ABCC2: variants seen among roughly 807,000 people sequenced by gnomAD.
ABCC2 encodes ATP binding cassette subfamily C member 2, also known as ATP-binding cassette sub-family C member 2.
A neutral mutation model predicts 173.4 loss-of-function variants in ABCC2; 157 were observed. The observed-to-expected ratio is 0.91, with a 90% CI of 0.80 to 1.03. The LOEUF is 1.03. Ranked by LOEUF, ABCC2 falls within the 50% of genes least tolerant of loss-of-function variation. The pLI is 0.00. For missense variants in ABCC2, 1,822 were observed against 1,852.3 expected, an observed-to-expected ratio of 0.98 and a Z score of 0.30; for synonymous variants, 657 against 693.5, an observed-to-expected ratio of 0.95 and a Z score of 0.83.
chr10:99,841,272 G>T (rs1054008336), intron 25 of ABCC2, among the ~76,000 whole-genome samples: 3 of 152,052 alleles, frequency 2.0e-5, no homozygotes, highest in Admixed American at 6.6e-5. Flanking sequence ...CAGATTTTTG[G>T]CCAGGAGCAA....
At chr10:99,812,885 T>A in intron 15 of ABCC2, 133 bp from the exon 16 acceptor site, 1 of 1,212,178 alleles carries the variant, frequency 8.2e-7, no homozygotes, top group Non-Finnish European at 1.2e-6. Flanking sequence ...GTCTTGTATA[T>A]CCAAGGCAAA....
chr10:99,792,383 C>T (rs777347568), intron 3 of ABCC2, 24 bp downstream of exon 3: 7 of 1,613,070 alleles, frequency 4.3e-6, no homozygotes, highest in Middle Eastern at 1.6e-4. Flanking sequence ...CACTTCTGCC[C>T]TGTTTACCTT....
intron 16 of ABCC2, among the ~76,000 whole-genome samples, chr10:99,813,703 C>T (rs897280620): frequency 1.3e-5 from 2 of 150,432 alleles, no homozygotes; most frequent in African/African-American, 4.9e-5. Context: ...GAGAGAGACT[C>T]TGTCTCAAAA....
chr10:99,811,643 T>C, intron 15 of ABCC2, 41 bp downstream of exon 15: 1 of 1,605,506 alleles, frequency 6.2e-7, no homozygotes, highest in Non-Finnish European at 8.5e-7. Flanking sequence ...TTTAGCATTC[T>C]CACTGCCTGG....
intron 1 of ABCC2, 113 bp from the exon 2 acceptor site, chr10:99,784,495 G>A: frequency 9.0e-7 from 1 of 1,111,496 alleles, no homozygotes; most frequent in Admixed American, 1.7e-5. Flanking sequence ...GGTAAGGCTG[G>A]ATATGGATAT....
intron 3 of ABCC2, 152 bp from the exon 4 acceptor site, chr10:99,793,399 C>T (rs897101566): frequency 4.5e-5 from 50 of 1,104,386 alleles, no homozygotes; most frequent in Middle Eastern, 2.9e-4. Context: ...ACATGTTCAA[C>T]CTGGCATCTG....
intron 28 of ABCC2, among the ~76,000 whole-genome samples, chr10:99,845,023 TTTTA>T (rs758913693): frequency 6.6e-6 from 1 of 152,006 alleles, no homozygotes; most frequent in African/African-American, 2.4e-5. Flanking sequence ...TTTTCTTTAT[TTTTA>T]TTTATTTATT....
intron 10 of ABCC2, 53 bp downstream of exon 10, chr10:99,804,326 T>C (rs2133018835): frequency 6.2e-7 from 1 of 1,607,584 alleles, no homozygotes; most frequent in East Asian, 2.2e-5. Context: ...GTGTAAACCC[T>C]TTTTCTTACT....
At chr10:99,842,449 A>C (rs1353266463) in intron 26 of ABCC2, among the ~76,000 whole-genome samples, 1 of 152,210 alleles carries the variant, frequency 6.6e-6, no homozygotes, top group East Asian at 1.9e-4. Context: ...TTTTTGAACA[A>C]ATAATTCCTC....
chr10:99,782,999 T>C, intron 1 of ABCC2, 122 bp downstream of exon 1: 1 of 927,100 alleles, frequency 1.1e-6, no homozygotes. Flanking sequence ...GGTCTAAAGC[T>C]CAGGCTTTTT....
At chr10:99,842,725 G>T (rs1347801811) in intron 26 of ABCC2, among the ~76,000 whole-genome samples, 4 of 152,208 alleles carry the variant, frequency 2.6e-5, no homozygotes, top group African/African-American at 7.2e-5. Context: ...TTACATGTGG[G>T]CATTATATAA....
chr10:99,844,768 A>C (rs2038994481), intron 28 of ABCC2, among the ~76,000 whole-genome samples: 1 of 152,146 alleles, frequency 6.6e-6, no homozygotes, highest in African/African-American at 2.4e-5. Flanking sequence ...CAGGAAGGAA[A>C]CAAGGGGGCG....
In ABCC2 at chr10:99,843,933, G is replaced by A. The variant is rs1228333187; in HGVS notation, c.3843+33G>A. ...GGAACTGGAAAAATCCAGGAACAAG[G>A]CAAAAACAACATGCAACTCCTTCGA... On this transcript the variant is annotated intron_variant, in intron 27 of 31. Transcript: ENST00000647814. 4 of 1,550,302 alleles carry A rather than the reference G, an allele frequency of 2.6e-6. No homozygotes were observed. In the African/African-American group the frequency reaches 4.1e-5, roughly 16 times the overall value.
chr10:99,838,225 GA>G (rs2038861097), intron 25 of ABCC2, among the ~76,000 whole-genome samples: 1 of 29,604 alleles, frequency 3.4e-5, no homozygotes, highest in South Asian at 1.7e-3. Flanking sequence ...CTCCCTCCCG[GA>G]CGGGGCGGCT....
chr10:99,841,488 G>A (rs921577824), intron 25 of ABCC2, among the ~76,000 whole-genome samples: 2 of 152,112 alleles, frequency 1.3e-5, no homozygotes, highest in East Asian at 1.9e-4. Context: ...CCGGGAGGTC[G>A]AGGCTGCAGT....
chr10:99,786,747 G>A (rs190761726), intron 2 of ABCC2, among the ~76,000 whole-genome samples: 1 of 152,274 alleles, frequency 6.6e-6, no homozygotes, highest in Admixed American at 6.5e-5. Flanking sequence ...GCTCACGCTT[G>A]TAATCCCAGC....
intron 19 of ABCC2, among the ~76,000 whole-genome samples, chr10:99,821,118 A>G (rs2038529295): frequency 6.6e-6 from 1 of 152,254 alleles, no homozygotes; most frequent in African/African-American, 2.4e-5. Flanking sequence ...TTTGCATCAT[A>G]GACAAGGTAA....
intron 11 of ABCC2, among the ~76,000 whole-genome samples, chr10:99,806,059 C>T (rs1258292329): frequency 1.6e-5 from 2 of 126,032 alleles, no homozygotes; most frequent in Admixed American, 9.3e-5. Flanking sequence ...TAATCTACTA[C>T]AGTCTCTCTC....
At chr10:99,814,094 T>C (rs71488022) in intron 16 of ABCC2, among the ~76,000 whole-genome samples, 7,520 of 56,560 alleles carry the variant, frequency 0.13, 944 homozygotes, top group East Asian at 0.21. Context: ...TATATACACA[T>C]ATATATACAC....
Sources: allele counts gnomAD v4.1 joint callset (sites outside exome capture counted in the v4.1 genomes callset), GRCh38; gene constraint gnomAD v4.1.1; transcripts MANE v1.5; gene names NCBI Gene and HGNC (gene_info 2026-07-23, HGNC 2026-07-21).